The following P2RX5 variants were observed in gnomAD, a reference collection of about 807,000 sequenced individuals.
P2RX5 encodes P2X purinoceptor 5.
Under a neutral mutation model 54.1 loss-of-function variants are expected in P2RX5, and 46 were observed. That is an observed-to-expected ratio of 0.85 (90% CI 0.67 to 1.09). The LOEUF (loss-of-function observed/expected upper bound fraction) is 1.09. Ranked by LOEUF, P2RX5 falls within the 50% of genes least tolerant of loss-of-function variation. The probability of loss-of-function intolerance (pLI) is 0.00; values close to 1 mark genes in which losing one functional copy is unlikely to be tolerated. For synonymous variants in P2RX5, 226 were observed against 226.4 expected (o/e 1.00, Z 0.02); for missense variants, 566 against 549.8 (o/e 1.03, Z -0.29).
chr17:3,697,916 G>A (rs2050788848), upstream of P2RX5, among the ~76,000 whole-genome samples: 1 of 152,056 alleles, frequency 6.6e-6, no homozygotes, highest in African/African-American at 2.4e-5. Context: ...TAGTGACTGT[G>A]TCCCATGCTA....
At chr17:3,709,230 T>C in the P2RX5 span, among the ~76,000 whole-genome samples, 1 of 152,040 alleles carries the variant, frequency 6.6e-6, no homozygotes, top group African/African-American at 2.4e-5. Context: ...CGGCTCAGAA[T>C]ATGGGTTTGG....
the P2RX5 span, among the ~76,000 whole-genome samples, chr17:3,705,306 A>G: frequency 1.3e-5 from 2 of 152,162 alleles, no homozygotes; most frequent in African/African-American, 4.8e-5. Flanking sequence ...CCTGTACACG[A>G]TTCGGATCCA....
intron 11 of P2RX5, chr17:3,675,744 G>A (rs2050088233): frequency 3.0e-6 from 2 of 658,810 alleles, no homozygotes; most frequent in Non-Finnish European, 3.8e-6. Flanking sequence ...GTAGAGATGG[G>A]GTTTTGCCAT....
intron 11 of P2RX5, chr17:3,677,985 T>C: frequency 4.1e-6 from 4 of 985,416 alleles, no homozygotes; most frequent in Non-Finnish European, 4.8e-6. Flanking sequence ...CCCTGTCTCA[T>C]GCAGGCACAG....
intron 1 of P2RX5, 76 bp from the exon 2 acceptor site, chr17:3,691,870 G>C (rs748856611): frequency 1.8e-5 from 27 of 1,497,280 alleles, no homozygotes; most frequent in Non-Finnish European, 2.4e-5. Context: ...CTTGGGGTGG[G>C]GTAGCAGTCA....
chr17:3,723,486 G>T, the P2RX5 span: 1 of 1,023,690 alleles, frequency 9.8e-7, no homozygotes, highest in Non-Finnish European at 1.5e-6. Flanking sequence ...CAGAATAGAG[G>T]GTGTGAGCAA....
chr17:3,720,369 C>T, the P2RX5 span: 1 of 1,575,122 alleles, frequency 6.3e-7, no homozygotes, highest in Non-Finnish European at 8.7e-7. Context: ...GATATTTCAC[C>T]AAGGATCTGC....
intron 9 of P2RX5, among the ~76,000 whole-genome samples, chr17:3,683,132 G>A (rs774371166): frequency 2.0e-5 from 3 of 152,118 alleles, no homozygotes; most frequent in Admixed American, 6.5e-5. Context: ...GGACCAGAGC[G>A]ATGCAATTGC....
At chr17:3,717,587 A>G in the P2RX5 span, 1 of 152,244 alleles carries the variant, frequency 6.6e-6, no homozygotes, top group Non-Finnish European at 1.5e-5. Context: ...CCAGAGAGCC[A>G]ACAAGACTTC....
At chr17:3,677,319 G>A (rs576013776) in intron 11 of P2RX5, 1 of 984,948 alleles carries the variant, frequency 1.0e-6, no homozygotes, top group Non-Finnish European at 1.2e-6. Flanking sequence ...CTCCCATCTG[G>A]GCAGGTCCAT....
intron 1 of P2RX5, among the ~76,000 whole-genome samples, chr17:3,694,434 G>A (rs1210098841): frequency 6.6e-6 from 1 of 152,112 alleles, no homozygotes; most frequent in African/African-American, 2.4e-5. Flanking sequence ...TCGAACTCCT[G>A]ACCTCAGGTG....
chr17:3,711,374 T>TTTTTTTTTTTG, the P2RX5 span, among the ~76,000 whole-genome samples: 1 of 71,936 alleles, frequency 1.4e-5, no homozygotes, highest in Non-Finnish European at 3.4e-5. Flanking sequence ...CTCATTCTTT[T>TTTTTTTTTTTG]TTTTTTTTTT....
chr17:3,699,649 A>G (rs919385085), upstream of P2RX5, among the ~76,000 whole-genome samples: 2 of 151,380 alleles, frequency 1.3e-5, no homozygotes, highest in Admixed American at 1.3e-4. Flanking sequence ...TATGAAAAAT[A>G]CAAAAATTAG....
At chr17:3,680,001 C>T (rs979274340) in intron 10 of P2RX5, among the ~76,000 whole-genome samples, 1 of 150,344 alleles carries the variant, frequency 6.7e-6, no homozygotes, top group Non-Finnish European at 1.5e-5. Flanking sequence ...GCTTCCTCCA[C>T]GTGGCGTCCT....
At position 3,695,918 on chromosome 17, in the gene P2RX5, C is replaced by A. The variant is rs2050748760; in HGVS notation, c.88G>T (p.Gly30Cys). 6.2e-7 allele frequency: 1 copy of A among 1,614,182 alleles called. No individual in the cohort carries two copies. The highest frequency in any genetic ancestry group is 2.2e-5 in the East Asian group (1 of 44,892). ...KYVIAKNKKV[G>C]LLYRLLQASI... The stretch of plus-strand genomic sequence containing the variant: ...GCCTGCAGCAGCCGGTACAGCAGGC[C>A]CACCTTCTTGTTCTTGGCGATGACA... The change falls in exon 1 of 12, where the codon GGC (glycine) becomes TGC (cysteine). Residue 30 changes from glycine to cysteine, a missense_variant. Coordinates refer to ENST00000225328, the MANE Select transcript of P2RX5 (RefSeq NM_002561.4).
At position 3,688,074 on chromosome 17, in the gene P2RX5, C is replaced by A. The variant is rs773842743; in HGVS notation, c.919G>T (p.Val307Leu). The A allele has an allele frequency of 4.4e-6, 7 of 1,606,578 alleles. No homozygotes were observed. The highest frequency in any genetic ancestry group is 6.0e-6 in the Non-Finnish European group (7 of 1,176,364). The change falls in exon 9 of 12, where the codon GTG becomes TTG. Residue 307 changes from valine to leucine, a missense_variant. Physicochemically the swap from Val to Leu is conservative, Grantham distance 32 (BLOSUM62 1). Transcript: ENST00000225328. ...FARYYRDAAG[V>L]EFRTLMKAYG... The stretch of plus-strand genomic sequence containing the variant: ...GCTTTCATCAGGGTGCGGAACTCCA[C>A]CCCGGCTGCGTCTCGGTAATATCTG...
chr17:3,721,262 T>TTC, the P2RX5 span, among the ~76,000 whole-genome samples: 1 of 36,262 alleles, frequency 2.8e-5, no homozygotes, highest in Non-Finnish European at 4.4e-5. Context: ...GATTTTTCCT[T>TTC]TTTTTTTTTT....
chr17:3,697,497 C>A (rs2050782576), upstream of P2RX5, among the ~76,000 whole-genome samples: 2 of 152,202 alleles, frequency 1.3e-5, no homozygotes, highest in African/African-American at 4.8e-5. Context: ...CTTTCACACA[C>A]AAAGAGGCTC....
the P2RX5 span, among the ~76,000 whole-genome samples, chr17:3,709,536 CT>C: frequency 1.3e-5 from 2 of 152,276 alleles, no homozygotes; most frequent in South Asian, 4.1e-4. Flanking sequence ...TTAGTCCCAG[CT>C]ACTGCAGATC....
Sources: gnomAD v4.1 joint callset for allele counts (sites outside exome capture counted in the v4.1 genomes callset) on GRCh38, gnomAD v4.1.1 for gene constraint, MANE v1.5 for transcripts, NCBI Gene and HGNC (gene_info 2026-07-23, HGNC 2026-07-21) for gene names.